AGO3: variants seen among roughly 807,000 people sequenced by gnomAD.
AGO3 encodes argonaute RISC catalytic component 3.
Under a neutral mutation model 105.5 loss-of-function variants are expected in AGO3, and 16 were observed. That is an observed-to-expected ratio of 0.15 (90% CI 0.10 to 0.23). AGO3 has a LOEUF of 0.23. Among genes scored for constraint, AGO3 ranks in the 10% least tolerant of loss-of-function variants. The pLI, the probability that AGO3 is intolerant of heterozygous loss-of-function variation, is 1.00. For missense variants in AGO3, 534 were observed against 1,088.0 expected (o/e 0.49, Z 7.16); for synonymous variants, 340 against 367.3 (o/e 0.93, Z 0.85).
Position 36,013,368 on chromosome 1 carries a change from C to A in AGO3, c.1150-262C>A, listed in dbSNP as rs1303010301. On this transcript the variant is annotated intron_variant, in intron 9 of 18. Transcript: ENST00000373191. ...GAGATCACAGGCATGAACTACCATG[C>A]CAGGCCAAAATGTATTATTCAACCT... is the stretch of plus-strand genomic sequence containing the variant. 7 of 294,524 alleles carry A rather than the reference C, an allele frequency of 2.4e-5. No homozygotes were observed. In the East Asian group the frequency reaches 2.9e-4, roughly 12 times the overall value. The allele number at this position is 294,524 out of a possible 1,614,324, so 18.2% of individuals were successfully genotyped here.
intron 5 of AGO3, among the ~76,000 whole-genome samples, chr1:35,987,865 C>G (rs552746476): frequency 4.0e-5 from 6 of 151,440 alleles, no homozygotes; most frequent in African/African-American, 9.7e-5. Context: ...GTCAGGAGTT[C>G]GAGACCAGCC....
chr1:35,996,623 T>C (rs1458696715), intron 5 of AGO3, among the ~76,000 whole-genome samples: 5 of 151,560 alleles, frequency 3.3e-5, no homozygotes, highest in Non-Finnish European at 7.4e-5. Flanking sequence ...GTACAAAAAT[T>C]AGGCAGGTGT....
intron 1 of AGO3, 138 bp from the exon 2 acceptor site, chr1:35,945,554 G>C: frequency 1.2e-6 from 1 of 824,824 alleles, no homozygotes; most frequent in South Asian, 1.9e-5. Flanking sequence ...AAGTTGAAGT[G>C]TTAGAAATGA....
chr1:36,024,826 T>G (rs1193880294), intron 11 of AGO3, among the ~76,000 whole-genome samples: 1 of 152,168 alleles, frequency 6.6e-6, no homozygotes. Context: ...CACCAGTCTC[T>G]TAAGTCCTTT....
At chr1:36,045,416 T>C (rs377392365) in intron 17 of AGO3, among the ~76,000 whole-genome samples, 1 of 152,060 alleles carries the variant, frequency 6.6e-6, no homozygotes, top group East Asian at 1.9e-4. Flanking sequence ...GAGATGGGAT[T>C]TCACCATGAT....
chr1:35,983,054 C>T (rs1647083874), intron 5 of AGO3: 1 of 164,058 alleles, frequency 6.1e-6, no homozygotes, highest in African/African-American at 2.4e-5. Flanking sequence ...TGGGCTGAAG[C>T]AGTTATCTAT....
chr1:36,018,272 G>A (rs924222551), intron 11 of AGO3, among the ~76,000 whole-genome samples: 12 of 147,376 alleles, frequency 8.1e-5, no homozygotes, highest in Non-Finnish European at 1.4e-4. Context: ...ATGCCTGGCC[G>A]ACAATTTTCT....
chr1:35,999,742 C>A (rs1386591994), intron 5 of AGO3, among the ~76,000 whole-genome samples: 2 of 152,022 alleles, frequency 1.3e-5, no homozygotes, highest in Non-Finnish European at 2.9e-5. Flanking sequence ...ATTATTAATT[C>A]TGTAATTTGT....
At chr1:35,984,624 G>A (rs1647128053) in intron 5 of AGO3, 1 of 152,060 alleles carries the variant, frequency 6.6e-6, no homozygotes, top group East Asian at 1.9e-4. Flanking sequence ...TTGAATTATG[G>A]GTGTTTATTG....
Position 35,995,207 on chromosome 1 carries a change from A to ATAT in AGO3, c.659-9134_659-9133insTAT, listed in dbSNP as rs1224450213. 1.0e-3 allele frequency among the ~76,000 whole-genome samples: 107 copies of ATAT among 106,432 alleles called. 1 individual carries two copies. Among genetic ancestry groups the ATAT allele is most frequent in the Admixed American group, 5.1e-3 (53 of 10,396 alleles). 69.8% of individuals were successfully genotyped at this position (106,432 alleles called of 152,430 possible). A position where few individuals can be genotyped will look rare whatever the true frequency, so the allele number is the denominator to read the frequency against. On this transcript the variant is annotated intron_variant, in intron 5 of 18. Coordinates refer to ENST00000373191, the MANE Select transcript of AGO3 (RefSeq NM_024852.4). Reference sequence around the variant, plus strand: ...CAGAGCAAGACACTGTCTAAAAAAAAAAATATATATATATATATATATATA... The same window carrying ATAT: ...CAGAGCAAGACACTGTCTAAAAAAAATATAAATATATATATATATATATATATA...
chr1:36,014,806 G>A (rs970238810), intron 11 of AGO3, among the ~76,000 whole-genome samples: 1 of 151,502 alleles, frequency 6.6e-6, no homozygotes, highest in Non-Finnish European at 1.5e-5. Flanking sequence ...CAATAGTTCG[G>A]TGAAAAAATT....
In AGO3 at chr1:36,034,448, T is replaced by C. The variant is rs1641916885; in HGVS notation, c.1751+115T>C. ...AAGAGACCCCCTTAATAATTCCTACTATGGGAGATTCGTAGACATTTTGGT... is the reference window on the plus strand; with the variant it reads ...AAGAGACCCCCTTAATAATTCCTACCATGGGAGATTCGTAGACATTTTGGT... On this transcript the variant is annotated intron_variant, in intron 13 of 18. Coordinates refer to ENST00000373191, the MANE Select transcript of AGO3 (RefSeq NM_024852.4). 12 of 669,664 alleles carry C rather than the reference T, an allele frequency of 1.8e-5. No individual in the cohort carries two copies. In the South Asian group the frequency reaches 7.4e-4, roughly 42 times the overall value. The allele number at this position is 669,664 out of a possible 1,614,324, so 41.5% of individuals were successfully genotyped here.
At chr1:36,048,265 C>T (rs534592092) in intron 17 of AGO3, among the ~76,000 whole-genome samples, 4 of 152,078 alleles carry the variant, frequency 2.6e-5, no homozygotes, top group East Asian at 1.9e-4. Flanking sequence ...GCCTGGGCAA[C>T]GGAGTGAGAC....
intron 1 of AGO3, among the ~76,000 whole-genome samples, chr1:35,941,425 C>T (rs867298155): frequency 3.2e-4 from 49 of 152,012 alleles, no homozygotes; most frequent in African/African-American, 1.1e-3. Context: ...TAAGTCAGAT[C>T]ATAACACTTT....
At chr1:36,017,834 C>T (rs1359810363) in intron 11 of AGO3, among the ~76,000 whole-genome samples, 2 of 151,854 alleles carry the variant, frequency 1.3e-5, no homozygotes, top group African/African-American at 4.8e-5. Context: ...GCCCAGGAGG[C>T]AGAGGTTGCA....
At chr1:35,980,475 T>C (rs1352251654) in intron 5 of AGO3, among the ~76,000 whole-genome samples, 2 of 152,254 alleles carry the variant, frequency 1.3e-5, no homozygotes, top group Non-Finnish European at 2.9e-5. Flanking sequence ...TGTTGCTCAC[T>C]GCCAGTCCTT....
At chr1:35,939,087 T>C (rs989339631) in intron 1 of AGO3, among the ~76,000 whole-genome samples, 8 of 152,352 alleles carry the variant, frequency 5.3e-5, no homozygotes, top group Non-Finnish European at 1.0e-4. Context: ...TGTGTAGTTA[T>C]ATTTCCAACT....
intron 5 of AGO3, among the ~76,000 whole-genome samples, chr1:36,000,062 G>A (rs1215243270): frequency 6.6e-6 from 1 of 151,784 alleles, no homozygotes; most frequent in African/African-American, 2.4e-5. Flanking sequence ...TGCTTTTTGG[G>A]GACTGCCATC....
At chr1:35,945,333 A>G (rs1646342856) in intron 1 of AGO3, among the ~76,000 whole-genome samples, 1 of 151,858 alleles carries the variant, frequency 6.6e-6, no homozygotes, top group Non-Finnish European at 1.5e-5. Flanking sequence ...GATTCCAGGC[A>G]TGAGCCACCA....
Sources: gnomAD v4.1 joint callset for allele counts (sites outside exome capture counted in the v4.1 genomes callset) on GRCh38, gnomAD v4.1.1 for gene constraint, MANE v1.5 for transcripts, NCBI Gene and HGNC (gene_info 2026-07-23, HGNC 2026-07-21) for gene names.